Variants in MASTL observed in about 807,000 individuals in gnomAD.
The protein encoded by MASTL is serine/threonine-protein kinase greatwall.
In MASTL, 54 loss-of-function variants were observed where a neutral mutation model predicts 82.5. The observed-to-expected ratio is 0.65, with a 90% CI of 0.53 to 0.82. The LOEUF is 0.82. MASTL is among the 40% of genes least tolerant of loss of function. The pLI is 0.00. For missense variants in MASTL, 950 were observed against 1,047.8 expected (o/e 0.91, Z 1.29); for synonymous variants, 323 against 368.9 (o/e 0.88, Z 1.43).
At chr10:27,158,870 T>G (rs1427897230) in intron 2 of MASTL, among the ~76,000 whole-genome samples, 184 bp downstream of exon 2, 2 of 152,326 alleles carry the variant, frequency 1.3e-5, no homozygotes, top group Middle Eastern at 3.4e-3. Context: ...ATAAGATATA[T>G]GCATACGGTG....
At chr10:27,169,141 C>A (rs187636522) in intron 7 of MASTL, among the ~76,000 whole-genome samples, 4 of 152,196 alleles carry the variant, frequency 2.6e-5, no homozygotes, top group African/African-American at 9.6e-5. Context: ...CCATTAATGT[C>A]ATTTCATCCT....
At chr10:27,182,907 C>T (rs1472028165) in intron 11 of MASTL, among the ~76,000 whole-genome samples, 1 of 151,946 alleles carries the variant, frequency 6.6e-6, no homozygotes. Flanking sequence ...CTCAGCCTCC[C>T]CAAAATGCTG....
intron 1 of MASTL, among the ~76,000 whole-genome samples, 170 bp from the exon 2 acceptor site, chr10:27,158,379 T>C (rs2057462094): frequency 6.6e-6 from 1 of 152,160 alleles, no homozygotes; most frequent in African/African-American, 2.4e-5. Flanking sequence ...TAGTCATGTG[T>C]GCCAGTAGTC....
chr10:27,163,793 G>T (rs1257803363), intron 4 of MASTL, among the ~76,000 whole-genome samples: 2 of 151,930 alleles, frequency 1.3e-5, no homozygotes, highest in Admixed American at 6.6e-5. Flanking sequence ...ACCACGCCCG[G>T]CTAATTTTTT....
At chr10:27,155,164 G>T, upstream of MASTL, 1 of 529,116 alleles carries the variant, frequency 1.9e-6, no homozygotes, top group East Asian at 3.3e-5. Flanking sequence ...GCCCAGAACT[G>T]TTTGTGCCTC....
intron 9 of MASTL, among the ~76,000 whole-genome samples, chr10:27,179,950 G>T (rs1588720621): frequency 6.6e-6 from 1 of 152,088 alleles, no homozygotes; most frequent in East Asian, 1.9e-4. Context: ...CAGAATATCA[G>T]AAATTATTAA....
chr10:27,186,951 CT>C lies in MASTL; in HGVS notation c.*417del, dbSNP rs1564516201. 2 of 239,996 alleles carry C rather than the reference CT, an allele frequency of 8.3e-6. No individual in the cohort carries two copies. The highest frequency in any genetic ancestry group is 4.6e-5 in the African/African-American group (2 of 43,046). 14.9% of individuals were successfully genotyped at this position (239,996 alleles called of 1,614,324 possible). On this transcript the variant is annotated 3_prime_UTR_variant, in exon 12 of 12. Coordinates refer to ENST00000375940, the MANE Select transcript of MASTL (RefSeq NM_001172303.3). The stretch of plus-strand genomic sequence containing the variant: ...TTGTAATTTACTTGCATATGATTAC[CT>C]TCAAAAGCTGTGTTCTTGAGGGCAA...
rs181905165 is a variant in MASTL, at chr10:27,185,911, G to A, written c.2483-468G>A. 4.8e-3 allele frequency among the ~76,000 whole-genome samples: 726 copies of A among 151,844 alleles called. 4 individuals are homozygous for A. The highest frequency in any genetic ancestry group is 0.016 in the African/African-American group (682 of 41,402). ...TCGAGACCAACCTGCCCAACATGGC[G>A]AAACCCCGTCTCTACTAAAAATACA... is the stretch of plus-strand genomic sequence containing the variant. On this transcript the variant is annotated intron_variant, in intron 11 of 11. Transcript: ENST00000375940.
chr10:27,171,147 G>A, intron 8 of MASTL, 64 bp downstream of exon 8: 1 of 1,369,930 alleles, frequency 7.3e-7, no homozygotes, highest in East Asian at 2.3e-5. Context: ...ACAGACATTT[G>A]CCTCTAAGCT....
chr10:27,167,320 A>G, intron 7 of MASTL, 46 bp downstream of exon 7: 1 of 1,480,956 alleles, frequency 6.8e-7, no homozygotes, highest in Non-Finnish European at 9.4e-7. Flanking sequence ...TGTATGTCAA[A>G]TGAATGTGAG....
chr10:27,174,361 A>C (rs1564498944), intron 9 of MASTL, among the ~76,000 whole-genome samples: 1 of 152,054 alleles, frequency 6.6e-6, no homozygotes, highest in Non-Finnish European at 1.5e-5. Context: ...TCTAAAAAAA[A>C]ATAAAAATAA....
intron 9 of MASTL, among the ~76,000 whole-genome samples, chr10:27,176,951 T>G (rs2058120842): frequency 6.6e-6 from 1 of 151,320 alleles, no homozygotes; most frequent in Non-Finnish European, 1.5e-5. Context: ...GTTCAAGCAG[T>G]TGTTTGCCTC....
In MASTL at chr10:27,187,525, G is replaced by C. The variant is rs541399535; in HGVS notation, c.*989G>C. 2.0e-5 allele frequency among the ~76,000 whole-genome samples: 3 copies of C among 152,318 alleles called. 1 individual carries two copies. The East Asian group carries it at 5.8e-4, about 29-fold the overall frequency. On this transcript the variant is annotated 3_prime_UTR_variant, in exon 12 of 12. Transcript: ENST00000375940. ...CCGGCACTTTGGGAGGCTGAGGCAG[G>C]CAAGTCGCTTGAGGCCTGGAGTTTG...
At chr10:27,168,388 T>G (rs2057805525) in intron 7 of MASTL, among the ~76,000 whole-genome samples, 2 of 152,218 alleles carry the variant, frequency 1.3e-5, no homozygotes, top group South Asian at 2.1e-4. Context: ...CCCTGAGGGA[T>G]GCACCGATGG....
rs2057514587 is a variant in MASTL at position 27,159,997 on chromosome 10, A to T, written c.464+239A>T. On this transcript the variant is annotated intron_variant, in intron 3 of 11. Transcript: ENST00000375940. The surrounding 1 kb of genome is among the most constrained non-coding windows in gnomAD (Gnocchi z 4.0). ...TATTTTTGTATTTACATATTTATTTATTTTTTTCTTTGTTGAGACAGGGTC... is the reference window on the plus strand; with the variant it reads ...TATTTTTGTATTTACATATTTATTTTTTTTTTTCTTTGTTGAGACAGGGTC... 6.6e-6 allele frequency among the ~76,000 whole-genome samples: 1 copy of T among 151,194 alleles called. No homozygotes were observed. The highest frequency in any genetic ancestry group is 6.6e-5 in the Admixed American group (1 of 15,158).
chr10:27,154,495 A>G (rs1440213296), upstream of MASTL: 8 of 549,086 alleles, frequency 1.5e-5, no homozygotes, highest in Non-Finnish European at 2.0e-5. Flanking sequence ...TGACATTTAC[A>G]AGGAGCAGCG....
upstream of MASTL, chr10:27,155,082 T>C (rs886046954): frequency 5.1e-5 from 15 of 293,760 alleles, no homozygotes; most frequent in East Asian, 1.0e-3. Flanking sequence ...ACCAGCCTCG[T>C]TGGGAAGCCA....
intron 3 of MASTL, 58 bp from the exon 4 acceptor site, chr10:27,161,036 T>A: frequency 9.0e-7 from 1 of 1,108,852 alleles, no homozygotes; most frequent in Non-Finnish European, 1.4e-6. Context: ...TTCTGGAAAT[T>A]CTAACATTAA....
Position 27,171,096 on chromosome 10 carries a change from C to T in MASTL, c.2124+13C>T. ...TATGCCACATCAGGTATATTTATAA[C>T]TTTCTAATACTGTTTTTTGGATTTT... On this transcript the variant is annotated intron_variant, in intron 8 of 11. Transcript: ENST00000375940. The T allele has an allele frequency of 6.2e-7, 1 of 1,610,050 alleles. No individual in the cohort carries two copies. The highest frequency in any genetic ancestry group is 8.5e-7 in the Non-Finnish European group (1 of 1,176,408).
Sources: gnomAD v4.1 joint callset for allele counts (sites outside exome capture counted in the v4.1 genomes callset) on GRCh38, gnomAD v4.1.1 for gene constraint, Gnocchi (gnomAD v3.1) non-coding constraint, MANE v1.5 for transcripts, NCBI Gene and HGNC (gene_info 2026-07-23, HGNC 2026-07-21) for gene names.